Variants in C14orf39 observed in about 807,000 individuals in gnomAD.
The protein encoded by C14orf39 is chromosome 14 open reading frame 39.
A neutral mutation model predicts 85.6 loss-of-function variants in C14orf39; 66 were observed. The observed-to-expected ratio is 0.77, with a 90% CI of 0.63 to 0.95. The LOEUF is 0.95. Ranked by LOEUF, C14orf39 falls within the 40% of genes least tolerant of loss-of-function variation. The pLI is 0.00. For synonymous variants in C14orf39, 242 were observed against 214.0 expected, an observed-to-expected ratio of 1.13 and a Z score of -1.14; for missense variants, 735 against 663.9, an observed-to-expected ratio of 1.11 and a Z score of -1.18.
At position 60,509,470 on chromosome 14, in the gene C14orf39, C is replaced by T. The variant is rs1402413017; in HGVS notation, c.-144+5925G>A. 3.1e-6 allele frequency: 5 copies of T among 1,600,608 alleles called. No homozygotes were observed. The African/African-American group carries it at 4.0e-5, about 13-fold the overall frequency. On this transcript the variant is annotated intron_variant, in intron 1 of 5. Transcript: ENST00000556799. ...GGGTATGTGAGACCCTGGAAGAGAG[C>T]GGCGATGTGGAGCGCCTGGGTCGCT...
intron 1 of C14orf39, among the ~76,000 whole-genome samples, chr14:60,513,452 T>C (rs1241695505): frequency 6.6e-6 from 1 of 152,200 alleles, no homozygotes; most frequent in African/African-American, 2.4e-5. Context: ...GAGTGCCTCC[T>C]TAAATTTTGC....
intron 1 of C14orf39, among the ~76,000 whole-genome samples, chr14:60,501,656 T>C (rs1326931833): frequency 1.3e-5 from 2 of 152,182 alleles, no homozygotes; most frequent in African/African-American, 4.8e-5. Flanking sequence ...ATTTGGGGAA[T>C]TTCATGTAAG....
rs1186185952 is a variant in C14orf39 at position 60,436,112 on chromosome 14, TAAA to T, written c.*730_*732del. 1.3e-5 allele frequency: 2 copies of T among 152,004 alleles called. No individual in the cohort carries two copies. The highest frequency in any genetic ancestry group is 4.8e-5 in the African/African-American group (2 of 41,422). 9.4% of individuals were successfully genotyped at this position (152,004 alleles called of 1,614,324 possible). ...ATTGACAAATACTGAACACAAAACA[TAAA>T]GAAGAAATTTTTGTTATTGAAGGAG... On this transcript the variant is annotated 3_prime_UTR_variant, in exon 18 of 18. Transcript: ENST00000321731.
In C14orf39 at chr14:60,436,808, C is replaced by G. The variant is rs376995282; in HGVS notation, c.*37G>C. On this transcript the variant is annotated 3_prime_UTR_variant, in exon 18 of 18. Transcript: ENST00000321731. ...ATGTAAATTTATGCCCTCATGAACACAGAACAGTAAAATAATTTAAGGAAT... is the reference window on the plus strand; with the variant it reads ...ATGTAAATTTATGCCCTCATGAACAGAGAACAGTAAAATAATTTAAGGAAT... 2.1e-6 allele frequency: 3 copies of G among 1,434,862 alleles called. No individual in the cohort carries two copies. In the South Asian group the frequency reaches 3.6e-5, roughly 17 times the overall value. The allele number at this position is 1,434,862 out of a possible 1,614,324, so 88.9% of individuals were successfully genotyped here. A position where few individuals can be genotyped will look rare whatever the true frequency, so the allele number is the denominator to read the frequency against.
chr14:60,503,290 A>T (rs1418201102), intron 1 of C14orf39, among the ~76,000 whole-genome samples: 1 of 152,190 alleles, frequency 6.6e-6, no homozygotes, highest in Non-Finnish European at 1.5e-5. Context: ...TGCAAGGGTT[A>T]TACCACCTGA....
At chr14:60,443,704 G>A (rs1173290305) in intron 16 of C14orf39, among the ~76,000 whole-genome samples, 1 of 152,200 alleles carries the variant, frequency 6.6e-6, no homozygotes, top group East Asian at 1.9e-4. Context: ...CTCAGAGAAT[G>A]GACAGACTGC....
At chr14:60,455,609 T>G (rs534227924) in intron 15 of C14orf39, among the ~76,000 whole-genome samples, 16 of 152,194 alleles carry the variant, frequency 1.1e-4, no homozygotes, top group African/African-American at 3.8e-4. Context: ...ATAAGGAAGT[T>G]AAATTATAAT....
chr14:60,463,319 T>C (rs900676952), intron 11 of C14orf39, among the ~76,000 whole-genome samples: 1 of 152,148 alleles, frequency 6.6e-6, no homozygotes, highest in Admixed American at 6.6e-5. Flanking sequence ...CTTCTTTATA[T>C]AGTATACATT....
intron 1 of C14orf39, chr14:60,509,948 C>A (rs769430744): frequency 1.2e-6 from 2 of 1,606,834 alleles, no homozygotes; most frequent in South Asian, 1.1e-5. Context: ...ACAAAGGGAC[C>A]GAGCGGCTGC....
intron 16 of C14orf39, among the ~76,000 whole-genome samples, chr14:60,445,854 C>A (rs1890740341): frequency 6.6e-6 from 1 of 152,180 alleles, no homozygotes; most frequent in South Asian, 2.1e-4. Context: ...TAAATCACAA[C>A]AAACTGTCTC....
In C14orf39 at chr14:60,466,873, T is replaced by C. The variant is rs562112323; in HGVS notation, c.895+44A>G. On this transcript the variant is annotated intron_variant, in intron 10 of 17. Coordinates refer to ENST00000321731, the MANE Select transcript of C14orf39 (RefSeq NM_174978.3). ...GCTTCCTTCTATTTCTTCTGTGTGT[T>C]TGCAAAAAAAATGATGTTTTTGAAT... 9 of 1,421,058 alleles carry C rather than the reference T, an allele frequency of 6.3e-6. No homozygotes were observed. In the African/African-American group the frequency reaches 1.2e-4, roughly 19 times the overall value. 88.0% of individuals were successfully genotyped at this position (1,421,058 alleles called of 1,614,324 possible). A position where few individuals can be genotyped will look rare whatever the true frequency, so the allele number is the denominator to read the frequency against.
At chr14:60,497,140 G>A (rs1893079913) in intron 2 of C14orf39, among the ~76,000 whole-genome samples, 1 of 152,122 alleles carries the variant, frequency 6.6e-6, no homozygotes, top group Non-Finnish European at 1.5e-5. Flanking sequence ...CTTTCCATCA[G>A]GGGGATATTG....
chr14:60,467,384 C>T (rs1891846553), intron 9 of C14orf39, among the ~76,000 whole-genome samples: 5 of 151,710 alleles, frequency 3.3e-5, no homozygotes, highest in Non-Finnish European at 7.4e-5. Context: ...TTTCATGGTA[C>T]TTTAAACTTT....
intron 1 of C14orf39, among the ~76,000 whole-genome samples, chr14:60,504,615 C>A (rs1230630798): frequency 6.6e-6 from 1 of 152,180 alleles, no homozygotes; most frequent in East Asian, 1.9e-4. Flanking sequence ...TTTTAAGTGA[C>A]AAGCTGGCTA....
At chr14:60,477,007 G>C (rs1380529312) in intron 5 of C14orf39, among the ~76,000 whole-genome samples, 1 of 152,062 alleles carries the variant, frequency 6.6e-6, no homozygotes, top group Admixed American at 6.5e-5. Context: ...TTCATCAAAG[G>C]CTTCAACTTC....
intron 16 of C14orf39, among the ~76,000 whole-genome samples, chr14:60,450,226 T>G (rs554623929): frequency 6.6e-6 from 1 of 152,002 alleles, no homozygotes; most frequent in Non-Finnish European, 1.5e-5. Flanking sequence ...GATCTTGGGG[T>G]CCCTGAGTTC....
intron 5 of C14orf39, among the ~76,000 whole-genome samples, chr14:60,473,464 C>T (rs1892206239): frequency 6.6e-6 from 1 of 152,170 alleles, no homozygotes; most frequent in African/African-American, 2.4e-5. Flanking sequence ...GTGTTTTAGA[C>T]ATGAAGTCCT....
intron 11 of C14orf39, among the ~76,000 whole-genome samples, chr14:60,463,570 CT>C (rs1393329860): frequency 6.6e-6 from 1 of 152,040 alleles, no homozygotes; most frequent in East Asian, 1.9e-4. Context: ...TAAATCTACA[CT>C]TTTAAGTGGT....
chr14:60,449,251 C>T (rs891553134), intron 16 of C14orf39, among the ~76,000 whole-genome samples: 15 of 152,066 alleles, frequency 9.9e-5, no homozygotes, highest in Admixed American at 5.2e-4. Flanking sequence ...TCTTCTTCCA[C>T]CGTTTTCATG....
Sources: allele counts gnomAD v4.1 joint callset (sites outside exome capture counted in the v4.1 genomes callset), GRCh38; gene constraint gnomAD v4.1.1; transcripts MANE v1.5; gene names NCBI Gene and HGNC (gene_info 2026-07-23, HGNC 2026-07-21).